Variants in GRM5 observed in about 807,000 individuals in gnomAD.
The protein encoded by GRM5 is glutamate metabotropic receptor 5.
GRM5 carries 19 observed loss-of-function variants against 83.1 expected under a neutral mutation model. The observed-to-expected ratio is 0.23, with a 90% CI of 0.16 to 0.34. The LOEUF (loss-of-function observed/expected upper bound fraction) is 0.34, where lower values mean the gene tolerates loss of function less well. Ranked by LOEUF, GRM5 falls within the 10% of genes least tolerant of loss-of-function variation. The probability of loss-of-function intolerance (pLI) is 1.00; values close to 1 mark genes in which losing one functional copy is unlikely to be tolerated. For missense variants in GRM5, 1,160 were observed against 1,588.3 expected (o/e 0.73, Z 4.58); for synonymous variants, 675 against 633.6 (o/e 1.07, Z -0.98).
Position 88,568,062 on chromosome 11 carries a change from C to A in GRM5, c.1691-70G>T, listed in dbSNP as rs527602305. Reference sequence around the variant, plus strand: ...ACTTGGGTCACATATCCCTAAGTTACAAGCAGCTGTTTATGACCATTTCAG... The same window carrying A: ...ACTTGGGTCACATATCCCTAAGTTAAAAGCAGCTGTTTATGACCATTTCAG... On this transcript the variant is annotated intron_variant, in intron 7 of 9. Coordinates refer to ENST00000305447, the MANE Select transcript of GRM5 (RefSeq NM_001143831.3). The A allele has an allele frequency of 2.1e-5, 20 of 947,076 alleles. No homozygotes were observed. The East Asian group carries it at 4.9e-4, about 23-fold the overall frequency. 58.7% of individuals were successfully genotyped at this position (947,076 alleles called of 1,614,324 possible). A position where few individuals can be genotyped will look rare whatever the true frequency, so the allele number is the denominator to read the frequency against.
chr11:88,827,393 A>G (rs148111124), intron 3 of GRM5, among the ~76,000 whole-genome samples: 228 of 152,314 alleles, frequency 1.5e-3, no homozygotes, highest in African/African-American at 5.3e-3. Flanking sequence ...TCTAGACCTC[A>G]TATTTCATGG....
At chr11:89,050,904 T>C (rs139958349) in intron 1 of GRM5, among the ~76,000 whole-genome samples, 2,782 of 152,156 alleles carry the variant, frequency 0.018, 73 homozygotes, top group African/African-American at 0.062. Flanking sequence ...AGGTGAATGA[T>C]GAGAACACAT....
intron 2 of GRM5, among the ~76,000 whole-genome samples, chr11:88,957,216 C>T (rs1316586339): frequency 6.6e-6 from 1 of 152,006 alleles, no homozygotes; most frequent in African/African-American, 2.4e-5. Flanking sequence ...TGGATGCTTC[C>T]GATGAAAAAA....
intron 2 of GRM5, among the ~76,000 whole-genome samples, chr11:89,027,466 G>C (rs1187992593): frequency 1.3e-5 from 2 of 152,132 alleles, no homozygotes; most frequent in Admixed American, 6.6e-5. Flanking sequence ...TGCCAAACAG[G>C]CTACTGAAAC....
intron 2 of GRM5, among the ~76,000 whole-genome samples, chr11:89,000,762 C>G (rs1940350656): frequency 6.6e-6 from 1 of 151,826 alleles, no homozygotes; most frequent in African/African-American, 2.4e-5. Flanking sequence ...AGAAAATCAA[C>G]AAAAAATAAG....
At chr11:88,782,690 T>C (rs1942996660) in intron 3 of GRM5, among the ~76,000 whole-genome samples, 2 of 152,156 alleles carry the variant, frequency 1.3e-5, no homozygotes, top group African/African-American at 4.8e-5. Context: ...TCTTTGAAAA[T>C]TGGAAAGCTT....
intron 1 of GRM5, among the ~76,000 whole-genome samples, chr11:89,055,148 A>G (rs1288922962): frequency 6.6e-6 from 1 of 152,112 alleles, no homozygotes; most frequent in Non-Finnish European, 1.5e-5. Context: ...CCTGATATGC[A>G]GTTGTTCCAA....
chr11:88,645,814 A>G (rs1939427547), intron 4 of GRM5, among the ~76,000 whole-genome samples: 1 of 152,116 alleles, frequency 6.6e-6, no homozygotes, highest in South Asian at 2.1e-4. Flanking sequence ...TAACAATGAA[A>G]AGGAGGGAAC....
chr11:88,879,428 T>C (rs1268425586), intron 2 of GRM5, among the ~76,000 whole-genome samples: 22 of 151,522 alleles, frequency 1.5e-4, no homozygotes. Context: ...AGTTAGATAT[T>C]AATATTATAT....
chr11:88,923,085 G>A lies in GRM5; in HGVS notation c.662-72930C>T, dbSNP rs573448180. 5.8e-4 allele frequency among the ~76,000 whole-genome samples: 88 copies of A among 152,038 alleles called. 1 individual carries two copies. Among genetic ancestry groups the A allele is most frequent in the African/African-American group, 2.1e-3 (88 of 41,516 alleles). The stretch of plus-strand genomic sequence containing the variant: ...AAAAGACAGGAAATAACAAATGCTG[G>A]CAAGTATATAAAAGACTGGGAATAT... On this transcript the variant is annotated intron_variant, in intron 2 of 9. Transcript: ENST00000305447.
chr11:88,730,230 A>G (rs577522524), intron 3 of GRM5, among the ~76,000 whole-genome samples: 17 of 152,356 alleles, frequency 1.1e-4, no homozygotes, highest in African/African-American at 4.1e-4. Flanking sequence ...ATGAACAGAC[A>G]CTTCTCAAAA....
intron 8 of GRM5, among the ~76,000 whole-genome samples, chr11:88,541,593 T>C (rs781396604): frequency 6.6e-6 from 1 of 152,206 alleles, no homozygotes; most frequent in Non-Finnish European, 1.5e-5. Flanking sequence ...AAATTAAGTG[T>C]ACTGGATTTG....
At chr11:88,835,998 C>A (rs1432570459) in intron 3 of GRM5, among the ~76,000 whole-genome samples, 1 of 152,134 alleles carries the variant, frequency 6.6e-6, no homozygotes, top group Non-Finnish European at 1.5e-5. Context: ...TCCTAAGACT[C>A]TCCGATCTCA....
At chr11:89,025,111 T>C (rs554816105) in intron 2 of GRM5, among the ~76,000 whole-genome samples, 21 of 152,328 alleles carry the variant, frequency 1.4e-4, no homozygotes, top group African/African-American at 5.0e-4. Context: ...TTCTGTATCT[T>C]GTAATGTGAG....
intron 2 of GRM5, among the ~76,000 whole-genome samples, chr11:88,867,461 C>T (rs190311286): frequency 1.5e-3 from 231 of 151,768 alleles, no homozygotes; most frequent in African/African-American, 5.0e-3. Flanking sequence ...TGTTTTATTG[C>T]GTCTTTTTTC....
At chr11:88,945,524 T>C (rs2135671640) in intron 2 of GRM5, among the ~76,000 whole-genome samples, 1 of 152,224 alleles carries the variant, frequency 6.6e-6, no homozygotes, top group Non-Finnish European at 1.5e-5. Flanking sequence ...CAAAACAGCA[T>C]GGTACTTGTA....
chr11:88,568,625 G>A (rs1236407432), intron 7 of GRM5, among the ~76,000 whole-genome samples: 1 of 152,138 alleles, frequency 6.6e-6, no homozygotes, highest in Non-Finnish European at 1.5e-5. Flanking sequence ...GTGCGTGTGT[G>A]TTTTAAACAT....
At chr11:88,911,215 A>G (rs536169409) in intron 2 of GRM5, among the ~76,000 whole-genome samples, 136 of 152,264 alleles carry the variant, frequency 8.9e-4, no homozygotes, top group Middle Eastern at 6.8e-3. Context: ...GCTCTGCTCC[A>G]GGCAGAAGGA....
chr11:88,997,659 G>T (rs538743896), intron 2 of GRM5, among the ~76,000 whole-genome samples: 16 of 152,038 alleles, frequency 1.1e-4, no homozygotes, highest in Admixed American at 7.9e-4. Context: ...ATAGTAAGGG[G>T]ATACTACAAA....
Sources: gnomAD v4.1 joint callset for allele counts (sites outside exome capture counted in the v4.1 genomes callset) on GRCh38, gnomAD v4.1.1 for gene constraint, MANE v1.5 for transcripts, NCBI Gene and HGNC (gene_info 2026-07-23, HGNC 2026-07-21) for gene names.